SMG6: variants seen among roughly 807,000 people sequenced by gnomAD.
SMG6 encodes telomerase-binding protein EST1A.
Under a neutral mutation model 142.2 loss-of-function variants are expected in SMG6, and 66 were observed. The ratio of observed to expected loss-of-function variants is 0.46; its 90% CI spans 0.38 to 0.57. SMG6 has a LOEUF of 0.57. SMG6 is among the 20% of genes least tolerant of loss of function. SMG6 has a pLI of 0.00. For synonymous variants in SMG6, 779 were observed against 702.4 expected (o/e 1.11, Z -1.72); for missense variants, 1,793 against 1,832.0 (o/e 0.98, Z 0.39).
At chr17:2,277,384 T>C (rs996802031) in intron 8 of SMG6, among the ~76,000 whole-genome samples, 1 of 151,966 alleles carries the variant, frequency 6.6e-6, no homozygotes, top group Non-Finnish European at 1.5e-5. Context: ...GCCAGGATGG[T>C]CTCGATCTCC....
At chr17:2,073,708 C>CAAAA (rs1309950009) in intron 15 of SMG6, among the ~76,000 whole-genome samples, 7 of 70,230 alleles carry the variant, frequency 1.0e-4, no homozygotes, top group East Asian at 5.5e-4. Context: ...GACTCCGTCT[C>CAAAA]AAAAAAAAAA....
intron 10 of SMG6, among the ~76,000 whole-genome samples, chr17:2,211,666 TAA>T (rs58516730): frequency 6.6e-4 from 89 of 135,146 alleles, no homozygotes; most frequent in Non-Finnish European, 6.3e-4. Context: ...TCCATCTAAT[TAA>T]AAAAAAAAAA....
At chr17:2,245,098 G>A (rs924746011) in intron 8 of SMG6, among the ~76,000 whole-genome samples, 1 of 152,224 alleles carries the variant, frequency 6.6e-6, no homozygotes. Flanking sequence ...AAGGATAATA[G>A]TGAAGGCCCT....
chr17:2,254,800 C>G (rs4790070), intron 8 of SMG6, among the ~76,000 whole-genome samples: 114,693 of 152,020 alleles, frequency 0.75, 43,433 homozygotes, highest in African/African-American at 0.78. Context: ...GATAATCCTT[C>G]CTCTATGGGT....
chr17:2,186,254 T>C (rs7225623), intron 12 of SMG6, among the ~76,000 whole-genome samples: 50,851 of 142,592 alleles, frequency 0.36, 9,480 homozygotes, highest in African/African-American at 0.49. Flanking sequence ...GATACCCTGT[T>C]TCAAAAAAAA....
In SMG6 at chr17:2,059,974, G is replaced by A. The variant is rs1255726333; in HGVS notation, c.*1518C>T. ...GCTGGGGAGAGAATCTTAAAGGAGA[G>A]GCCGGGGACCCTGTACTCCAAAGAG... On this transcript the variant is annotated 3_prime_UTR_variant, in exon 19 of 19. Transcript: ENST00000263073. The A allele has an allele frequency of 1.3e-5, 2 of 152,348 alleles. No individual in the cohort carries two copies. Among genetic ancestry groups the A allele is most frequent in the African/African-American group, 4.8e-5 (2 of 41,458 alleles). The allele number at this position is 152,348 out of a possible 1,614,324, so 9.4% of individuals were successfully genotyped here.
chr17:2,065,434 C>A, intron 17 of SMG6, 34 bp downstream of exon 17: 2 of 1,592,208 alleles, frequency 1.3e-6, no homozygotes. Context: ...TGGAAGCTGG[C>A]TGTGGGCTTT....
intron 13 of SMG6, among the ~76,000 whole-genome samples, chr17:2,115,499 T>C (rs528837169): frequency 5.3e-5 from 8 of 152,120 alleles, no homozygotes; most frequent in South Asian, 2.1e-4. Context: ...CAGAGATAAA[T>C]AGACCTTTGG....
intron 13 of SMG6, among the ~76,000 whole-genome samples, chr17:2,139,663 T>C (rs1241462295): frequency 6.6e-6 from 1 of 151,992 alleles, no homozygotes; most frequent in Non-Finnish European, 1.5e-5. Flanking sequence ...GCAAGTGATC[T>C]GTCTGCCTTG....
intron 18 of SMG6, 150 bp downstream of exon 18, chr17:2,064,923 G>C: frequency 1.6e-6 from 1 of 611,998 alleles, no homozygotes; most frequent in African/African-American, 1.9e-5. Context: ...AGGACAGGGA[G>C]GTTGGGCCTC....
At chr17:2,132,473 G>C (rs1282054143) in intron 13 of SMG6, among the ~76,000 whole-genome samples, 1 of 152,262 alleles carries the variant, frequency 6.6e-6, no homozygotes, top group Non-Finnish European at 1.5e-5. Context: ...GGTGTGGGAC[G>C]ATCAGTGGAT....
rs533838587 is a variant in SMG6 at position 2,174,543 on chromosome 17, G to A, written c.3156-1684C>T. ...ACATCTTGTTTTCAAGAGTGTCCTG[G>A]GAACCAGACGGAACACAGCCCCATT... On this transcript the variant is annotated intron_variant, in intron 12 of 18. Coordinates refer to ENST00000263073, the MANE Select transcript of SMG6 (RefSeq NM_017575.5). 9.2e-5 allele frequency among the ~76,000 whole-genome samples: 14 copies of A among 152,258 alleles called. No homozygotes were observed. In the East Asian group the frequency reaches 2.5e-3, roughly 27 times the overall value.
At chr17:2,093,790 A>G (rs2068787746) in intron 13 of SMG6, among the ~76,000 whole-genome samples, 1 of 131,124 alleles carries the variant, frequency 7.6e-6, no homozygotes, top group Non-Finnish European at 1.9e-5. Context: ...GCTAATTTTT[A>G]AAAATTGTTT....
At position 2,199,640 on chromosome 17, in the gene SMG6, T is replaced by A. The variant is rs191309352; in HGVS notation, c.2870-11125A>T. 2.0e-5 allele frequency: 3 copies of A among 152,074 alleles called. No individual in the cohort carries two copies. The East Asian group carries it at 5.8e-4, about 29-fold the overall frequency. 9.4% of individuals were successfully genotyped at this position (152,074 alleles called of 1,614,324 possible). A position where few individuals can be genotyped will look rare whatever the true frequency, so the allele number is the denominator to read the frequency against. ...ATTTTTGTAGGCCAGGCACAGTGGC[T>A]CACACCTGTAATCCCAGCGCTTTGA... On this transcript the variant is annotated intron_variant, in intron 10 of 18. Transcript: ENST00000263073.
intron 12 of SMG6, among the ~76,000 whole-genome samples, chr17:2,181,232 CAAAA>C (rs1202121624): frequency 1.3e-5 from 2 of 152,208 alleles, no homozygotes; most frequent in Non-Finnish European, 2.9e-5. Context: ...ATATGGGAAA[CAAAA>C]GAAGGAAGGT....
intron 12 of SMG6, among the ~76,000 whole-genome samples, chr17:2,184,637 A>G (rs548926637): frequency 7.3e-6 from 1 of 136,082 alleles, no homozygotes; most frequent in Admixed American, 7.6e-5. Context: ...AGCCCAGGCA[A>G]CAAGAGCAAA....
chr17:2,294,237 C>T (rs1460133306), intron 4 of SMG6, among the ~76,000 whole-genome samples: 6 of 152,232 alleles, frequency 3.9e-5, no homozygotes, highest in Non-Finnish European at 8.8e-5. Flanking sequence ...CAAGTCCTAA[C>T]TGTTCCACAG....
chr17:2,265,009 T>C (rs991811072), intron 8 of SMG6, among the ~76,000 whole-genome samples: 5 of 152,088 alleles, frequency 3.3e-5, no homozygotes, highest in African/African-American at 1.2e-4. Flanking sequence ...CCCTAGGCCA[T>C]CAAGATCCAA....
At chr17:2,277,421 C>T (rs1283992746) in intron 8 of SMG6, among the ~76,000 whole-genome samples, 1 of 152,002 alleles carries the variant, frequency 6.6e-6, no homozygotes, top group Middle Eastern at 3.2e-3. Context: ...CCGCGTTGGC[C>T]TCCTAAAGAG....
Sources: allele counts gnomAD v4.1 joint callset (sites outside exome capture counted in the v4.1 genomes callset), GRCh38; gene constraint gnomAD v4.1.1; transcripts MANE v1.5; gene names NCBI Gene and HGNC (gene_info 2026-07-23, HGNC 2026-07-21).